Variants in ANKRD36 observed in about 807,000 individuals in gnomAD.
The protein encoded by ANKRD36 is ankyrin repeat domain-containing protein 36A.
Under a neutral mutation model 278.1 loss-of-function variants are expected in ANKRD36, and 179 were observed. The observed-to-expected ratio is 0.64, with a 90% confidence interval of 0.57 to 0.73. ANKRD36 has a LOEUF of 0.73. Ranked by LOEUF, ANKRD36 falls within the 30% of genes least tolerant of loss-of-function variation. ANKRD36 has a pLI of 0.00. For missense variants in ANKRD36, 1,159 were observed against 1,956.7 expected (o/e 0.59, Z 7.69); for synonymous variants, 320 against 641.1 (o/e 0.50, Z 7.57).
At chr2:97,200,293 T>C (rs764225845) in intron 44 of ANKRD36, 41 bp from the exon 45 acceptor site, 3 of 1,606,932 alleles carry the variant, frequency 1.9e-6, no homozygotes, top group Admixed American at 3.3e-5. Context: ...AATTTTATCA[T>C]GTTTACATGT....
At chr2:97,171,585 A>T (rs1445825781) in intron 22 of ANKRD36, among the ~76,000 whole-genome samples, 1 of 135,256 alleles carries the variant, frequency 7.4e-6, no homozygotes, top group Non-Finnish European at 1.6e-5. Context: ...TAGCATTGGG[A>T]GATATACCTA....
intron 32 of ANKRD36, 82 bp downstream of exon 32, chr2:97,187,483 C>CG: frequency 3.1e-4 from 3 of 9,628 alleles, no homozygotes; most frequent in Non-Finnish European, 3.3e-4. Flanking sequence ...CAGCGGAGGG[C>CG]GGGTGGGGGG....
intron 67 of ANKRD36, among the ~76,000 whole-genome samples, chr2:97,227,154 T>G (rs2070055606): frequency 6.6e-6 from 1 of 152,242 alleles, no homozygotes; most frequent in East Asian, 2.0e-4. Flanking sequence ...TTTTTCCAAT[T>G]CAGTGAAGAA....
At chr2:97,172,714 C>G (rs2052955635) in intron 22 of ANKRD36, among the ~76,000 whole-genome samples, 1 of 152,012 alleles carries the variant, frequency 6.6e-6, no homozygotes, top group Admixed American at 6.6e-5. Flanking sequence ...CTACTCAGAT[C>G]ACAATTTAGA....
Position 97,180,824 on chromosome 2 carries a change from G to C in ANKRD36, c.1736-774G>C, listed in dbSNP as rs548556450. Among the ~76,000 whole-genome samples, 375 of 151,754 alleles carry C rather than the reference G, an allele frequency of 2.5e-3. 4 individuals carry two copies. The highest frequency in any genetic ancestry group is 8.8e-3 in the African/African-American group (367 of 41,490). On this transcript the variant is annotated intron_variant, in intron 24 of 75. Transcript: ENST00000420699. ...AACTCCTAAAGTGGTGATTTTCAAT[G>C]AATATTGGAGTGATTTCTGAATGTA...
intron 22 of ANKRD36, among the ~76,000 whole-genome samples, chr2:97,176,321 A>G (rs1241455051): frequency 1.3e-5 from 2 of 148,734 alleles, no homozygotes; most frequent in Admixed American, 6.7e-5. Flanking sequence ...TATTGGGTGC[A>G]TATATATTTA....
At chr2:97,170,396 C>T (rs576866714) in intron 22 of ANKRD36, among the ~76,000 whole-genome samples, 22 of 151,916 alleles carry the variant, frequency 1.4e-4, no homozygotes, top group East Asian at 3.9e-4. Flanking sequence ...TCAGAAATAA[C>T]GCTGCATATC....
In ANKRD36 at chr2:97,188,619, G is replaced by T. The variant is rs11886261; in HGVS notation, c.2144-468G>T. Among the ~76,000 whole-genome samples the T allele has an allele frequency of 6.5e-4, 55 of 84,136 alleles. 8 individuals are homozygous for T. The highest frequency in any genetic ancestry group is 1.3e-3 in the African/African-American group (48 of 37,426). The allele number at this position is 84,136 out of a possible 152,430, so 55.2% of individuals were successfully genotyped here. A position where few individuals can be genotyped will look rare whatever the true frequency, so the allele number is the denominator to read the frequency against. ...GAAGTATACGTTCAACTGAATTGTC[G>T]TGGTAACTGTGTGCCTTCTCAGTTA... On this transcript the variant is annotated intron_variant, in intron 32 of 75. Transcript: ENST00000420699.
At chr2:97,179,147 A>G (rs1409223208) in intron 22 of ANKRD36, among the ~76,000 whole-genome samples, 1 of 151,616 alleles carries the variant, frequency 6.6e-6, no homozygotes, top group Non-Finnish European at 1.5e-5. Context: ...GCACATTATT[A>G]CATCATATGG....
Position 97,113,565 on chromosome 2 carries a change from G to A in ANKRD36, c.-175G>A, listed in dbSNP as rs1050976987. ...TTGGGCAGGGCCGGCTAAGGTGCGC[G>A]TGCTCGCTGGTTCTAACCCTTCTGT... On this transcript the variant is annotated 5_prime_UTR_variant, in exon 1 of 76. In the 5' UTR this introduces an upstream ATG that the reference lacks. Transcript: ENST00000420699. 2.5e-5 allele frequency: 18 copies of A among 724,266 alleles called. No homozygotes were observed. In the African/African-American group the frequency reaches 3.0e-4, roughly 12 times the overall value. The allele number at this position is 724,266 out of a possible 1,614,324, so 44.9% of individuals were successfully genotyped here. A position where few individuals can be genotyped will look rare whatever the true frequency, so the allele number is the denominator to read the frequency against.
intron 66 of ANKRD36, among the ~76,000 whole-genome samples, chr2:97,222,210 T>C (rs1264085129): frequency 3.3e-5 from 5 of 151,868 alleles, no homozygotes; most frequent in East Asian, 3.9e-4. Flanking sequence ...AGTCAGGTAG[T>C]GTGATGCCTC....
intron 22 of ANKRD36, among the ~76,000 whole-genome samples, chr2:97,173,415 A>G (rs2053234893): frequency 6.6e-6 from 1 of 151,852 alleles, no homozygotes; most frequent in African/African-American, 2.4e-5. Context: ...AGTGAAGAAC[A>G]GCTGTGAAAG....
chr2:97,157,705 A>G (rs1291874045), intron 15 of ANKRD36, among the ~76,000 whole-genome samples: 1 of 146,792 alleles, frequency 6.8e-6, no homozygotes, highest in Admixed American at 6.8e-5. Flanking sequence ...TCCCGCAGAA[A>G]GTAATTCACA....
intron 22 of ANKRD36, among the ~76,000 whole-genome samples, chr2:97,174,559 T>C (rs1272496457): frequency 6.6e-6 from 1 of 151,906 alleles, no homozygotes; most frequent in African/African-American, 2.4e-5. Flanking sequence ...TATATAATCA[T>C]GTCATCTGCA....
At chr2:97,203,520 A>G (rs1189712022) in intron 48 of ANKRD36, among the ~76,000 whole-genome samples, 1 of 151,848 alleles carries the variant, frequency 6.6e-6, no homozygotes, top group Non-Finnish European at 1.5e-5. Context: ...TCTACTAGGT[A>G]TCAGCAAACA....
rs1369222010 is a variant in ANKRD36, at chr2:97,196,802, C to G, written c.2653+14C>G. ...AATCTAGGACAGGTAATTCTGAAAA[C>G]AGATTTAATGTCATGTTCAGTCCAG... On this transcript the variant is annotated intron_variant, in intron 42 of 75. Coordinates refer to ENST00000420699, the MANE Select transcript of ANKRD36 (RefSeq NM_001354587.1). The G allele has an allele frequency of 8.4e-6, 13 of 1,544,848 alleles. No individual in the cohort carries two copies. The Middle Eastern group carries it at 6.7e-4, about 79-fold the overall frequency.
chr2:97,187,842 G>T (rs558788565), intron 32 of ANKRD36, among the ~76,000 whole-genome samples: 1 of 151,744 alleles, frequency 6.6e-6, no homozygotes, highest in South Asian at 2.1e-4. Flanking sequence ...GGAGACCCCT[G>T]ATGTAGCAAT....
intron 11 of ANKRD36, among the ~76,000 whole-genome samples, chr2:97,148,520 C>A (rs1162022869): frequency 4.0e-5 from 6 of 150,992 alleles, no homozygotes; most frequent in Non-Finnish European, 7.5e-5. Context: ...AGCAGTCTCT[C>A]TCTTGGGTAT....
At position 97,158,129 on chromosome 2, in the gene ANKRD36, C is replaced by T. The variant is rs567234399; in HGVS notation, c.1283C>T (p.Thr428Met). ...TAGAATATTTCAGAACCATACTTTA[C>T]GAACAGAAGGACTATTTCTCAACAA... is the stretch of plus-strand genomic sequence containing the variant. Reference protein sequence around the residue: ...ESENISEPYFTNRRTISQQSA... With the variant: ...ESENISEPYFMNRRTISQQSA... Residue 428 changes from threonine to methionine, a missense_variant, in exon 16 of 76, where the codon ACG becomes ATG. Physicochemically the swap from Thr to Met is moderately conservative, Grantham distance 81. Coordinates refer to ENST00000420699, the MANE Select transcript of ANKRD36 (RefSeq NM_001354587.1). 257 of 1,514,022 alleles carry T rather than the reference C, an allele frequency of 1.7e-4. No homozygotes were observed. Among genetic ancestry groups the T allele is most frequent in the South Asian group, 2.6e-4 (22 of 83,388 alleles). 93.8% of individuals were successfully genotyped at this position (1,514,022 alleles called of 1,614,324 possible).
Sources: gnomAD v4.1 joint callset for allele counts (sites outside exome capture counted in the v4.1 genomes callset) on GRCh38, gnomAD v4.1.1 for gene constraint, MANE v1.5 for transcripts, NCBI Gene and HGNC (gene_info 2026-07-23, HGNC 2026-07-21) for gene names.